The following C1GALT1 variants were observed in gnomAD, a reference collection of about 807,000 sequenced individuals.
The protein encoded by C1GALT1 is glycoprotein-N-acetylgalactosamine 3-beta-galactosyltransferase 1.
In C1GALT1, 11 loss-of-function variants were observed where a neutral mutation model predicts 31.0. The observed-to-expected ratio is 0.36, with a 90% CI of 0.22 to 0.59. The LOEUF (loss-of-function observed/expected upper bound fraction) is 0.59. C1GALT1 is among the 20% of genes least tolerant of loss of function. The probability of loss-of-function intolerance (pLI) is 0.79; values close to 1 mark genes in which losing one functional copy is unlikely to be tolerated. For missense variants in C1GALT1, 424 were observed against 425.2 expected (o/e 1.00, Z 0.03); for synonymous variants, 175 against 143.6 (o/e 1.22, Z -1.56).
intron 1 of C1GALT1, among the ~76,000 whole-genome samples, chr7:7,203,073 A>G (rs965724844): frequency 1.4e-5 from 2 of 144,500 alleles, no homozygotes; most frequent in East Asian, 4.2e-4. Context: ...TTGCTAAATT[A>G]ATTTATTAGT....
chr7:7,185,690 C>G (rs150392689), intron 1 of C1GALT1, among the ~76,000 whole-genome samples: 1 of 152,326 alleles, frequency 6.6e-6, no homozygotes, highest in Non-Finnish European at 1.5e-5. Context: ...TTAAGATCCA[C>G]CCTAATCACC....
chr7:7,192,638 A>T (rs1358148681), intron 1 of C1GALT1, among the ~76,000 whole-genome samples: 1 of 152,212 alleles, frequency 6.6e-6, no homozygotes, highest in South Asian at 2.1e-4. Flanking sequence ...TGTTTTTCGT[A>T]TAATGACTTC....
At chr7:7,219,846 G>A (rs6463662) in intron 1 of C1GALT1, among the ~76,000 whole-genome samples, 68,870 of 151,840 alleles carry the variant, frequency 0.45, 16,703 homozygotes, top group African/African-American at 0.63. Flanking sequence ...ATATGAAATT[G>A]TTGTATATAA....
In C1GALT1 at chr7:7,238,560, C is replaced by G. The variant is rs201415283; in HGVS notation, c.526C>G (p.Leu176Val). 1.4e-5 allele frequency: 23 copies of G among 1,613,940 alleles called. No homozygotes were observed. Among genetic ancestry groups the G allele is most frequent in the Middle Eastern group, 3.3e-4 (2 of 6,082 alleles). Residue 176 changes from leucine (L) to valine (V), a missense_variant, in exon 3 of 4, where the codon CTA becomes GTA. Physicochemically the swap from Leu to Val is conservative, Grantham distance 32. Coordinates refer to ENST00000436587, the MANE Select transcript of C1GALT1 (RefSeq NM_020156.5). This position sits in a 1 kb window ranked among gnomAD's most constrained non-coding sequence, Gnocchi z 5.2. ...AGCAGATGATGACACGTATGTCATACTAGACAATTTGAGGTGGCTTCTTTC... is the reference window on the plus strand; with the variant it reads ...AGCAGATGATGACACGTATGTCATAGTAGACAATTTGAGGTGGCTTCTTTC... ...LKADDDTYVILDNLRWLLSKY... is the reference protein window; with the variant it reads ...LKADDDTYVIVDNLRWLLSKY...
chr7:7,159,752 T>C (rs1780314114), intron 2 of C1GALT1, among the ~76,000 whole-genome samples: 1 of 152,164 alleles, frequency 6.6e-6, no homozygotes, highest in South Asian at 2.1e-4. Flanking sequence ...AAATTCTCTG[T>C]CTCCATGTAA....
In C1GALT1 at chr7:7,244,161, G is replaced by C. The variant is rs1050327543; in HGVS notation, c.*434G>C. 6.5e-6 allele frequency: 1 copy of C among 152,878 alleles called. No homozygotes were observed. Among genetic ancestry groups the C allele is most frequent in the African/African-American group, 2.4e-5 (1 of 41,418 alleles). The allele number at this position is 152,878 out of a possible 1,614,324, so 9.5% of individuals were successfully genotyped here. A position where few individuals can be genotyped will look rare whatever the true frequency, so the allele number is the denominator to read the frequency against. On this transcript the variant is annotated 3_prime_UTR_variant, in exon 4 of 4. Coordinates refer to ENST00000436587, the MANE Select transcript of C1GALT1 (RefSeq NM_020156.5). The stretch of plus-strand genomic sequence containing the variant: ...ATTGTTGCTCAGTGTTGTTAATATA[G>C]CTCAAGAATTGAGTTTATATTTGCA...
chr7:7,207,136 G>T (rs75518213), intron 1 of C1GALT1, among the ~76,000 whole-genome samples: 6,007 of 152,026 alleles, frequency 0.04, 263 homozygotes, highest in African/African-American at 0.11. Flanking sequence ...TTCTTCAGCC[G>T]TTTTTCTTTG....
intron 1 of C1GALT1, among the ~76,000 whole-genome samples, chr7:7,230,826 T>G (rs1318956189): frequency 6.6e-6 from 1 of 152,018 alleles, no homozygotes; most frequent in Admixed American, 6.6e-5. Context: ...GCTCTTAAAC[T>G]CTATGGATCC....
intron 1 of C1GALT1, among the ~76,000 whole-genome samples, chr7:7,225,389 A>T (rs956609197): frequency 6.6e-6 from 1 of 152,218 alleles, no homozygotes; most frequent in Admixed American, 6.5e-5. Context: ...AGTATATAGC[A>T]TAGTGCTGTG....
chr7:7,201,691 G>T (rs1781537338), intron 1 of C1GALT1, among the ~76,000 whole-genome samples: 1 of 152,220 alleles, frequency 6.6e-6, no homozygotes, highest in South Asian at 2.1e-4. Flanking sequence ...CAGCAGCACT[G>T]AGTTAATTTC....
chr7:7,241,579 T>C (rs528953964), intron 3 of C1GALT1, among the ~76,000 whole-genome samples: 7 of 152,048 alleles, frequency 4.6e-5, no homozygotes, highest in Non-Finnish European at 8.8e-5. Context: ...TTTAGGTCCT[T>C]TGGTCAAGTT....
At chr7:7,164,514 G>C (rs906693271) in intron 2 of C1GALT1, among the ~76,000 whole-genome samples, 10 of 152,124 alleles carry the variant, frequency 6.6e-5, no homozygotes, top group African/African-American at 2.4e-4. Context: ...CTGAAATGGA[G>C]ATCAGCATGT....
At chr7:7,187,027 G>A (rs1447799164) in intron 1 of C1GALT1, among the ~76,000 whole-genome samples, 4 of 152,168 alleles carry the variant, frequency 2.6e-5, no homozygotes, top group Non-Finnish European at 5.9e-5. Flanking sequence ...AAGAAGCAAA[G>A]GCTAAAGGAA....
In C1GALT1 at chr7:7,225,050, C is replaced by T. The variant is rs575881329; in HGVS notation, c.-17-9253C>T. Among the ~76,000 whole-genome samples the T allele has an allele frequency of 5.0e-5, 7 of 141,398 alleles. No individual in the cohort carries two copies. In the East Asian group the frequency reaches 1.5e-3, roughly 30 times the overall value. The allele number at this position is 141,398 out of a possible 152,430, so 92.8% of individuals were successfully genotyped here. Reference sequence around the variant, plus strand: ...CTCTGTGTTTAGTTACAAGTGAGAACTAATAAGGTTTTCTGTCCTGTGTTA... The same window carrying T: ...CTCTGTGTTTAGTTACAAGTGAGAATTAATAAGGTTTTCTGTCCTGTGTTA... On this transcript the variant is annotated intron_variant, in intron 1 of 3. Transcript: ENST00000436587.
chr7:7,227,066 T>G (rs1554295875), intron 1 of C1GALT1, among the ~76,000 whole-genome samples: 1 of 152,238 alleles, frequency 6.6e-6, no homozygotes, highest in African/African-American at 2.4e-5. Context: ...TTTGTAAACT[T>G]TTCTTAATTT....
At chr7:7,165,319 G>C (rs762692827) in intron 2 of C1GALT1, among the ~76,000 whole-genome samples, 2 of 152,154 alleles carry the variant, frequency 1.3e-5, no homozygotes, top group Non-Finnish European at 2.9e-5. Flanking sequence ...AATAAAGCAC[G>C]CATCTAGGAG....
In C1GALT1 at chr7:7,238,796, A is replaced by G. The variant is rs1451580711; in HGVS notation, c.762A>G (p.Ala254=). ...GCATGGAAATTATGAATGTAGAAGC[A>G]GGAGATTCCAGAGATACCATTGGAA... ...GRCMEIMNVE[A]GDSRDTIGKE... Residue 254 remains alanine (A), a synonymous_variant, in exon 3 of 4, where the codon GCA becomes GCG. Transcript: ENST00000436587. This position sits in a 1 kb window ranked among gnomAD's most constrained non-coding sequence, Gnocchi z 5.2. The G allele has an allele frequency of 1.9e-6, 3 of 1,613,724 alleles. No homozygotes were observed. The highest frequency in any genetic ancestry group is 2.2e-5 in the South Asian group (2 of 91,068).
intron 1 of C1GALT1, among the ~76,000 whole-genome samples, chr7:7,184,010 G>A (rs892447560): frequency 6.6e-6 from 1 of 152,176 alleles, no homozygotes; most frequent in Non-Finnish European, 1.5e-5. Context: ...TCATTCTGGT[G>A]TGAGTTTGGG....
chr7:7,182,675 G>A lies in C1GALT1; in HGVS notation c.-163G>A, dbSNP rs888630744. The A allele has an allele frequency of 6.9e-5, 31 of 446,060 alleles. No individual in the cohort carries two copies. Among genetic ancestry groups the A allele is most frequent in the Non-Finnish European group, 8.6e-5 (29 of 336,846 alleles). The allele number at this position is 446,060 out of a possible 1,614,324, so 27.6% of individuals were successfully genotyped here. On this transcript the variant is annotated 5_prime_UTR_variant, in exon 1 of 4. Coordinates refer to ENST00000436587, the MANE Select transcript of C1GALT1 (RefSeq NM_020156.5). The stretch of plus-strand genomic sequence containing the variant: ...GCCGCCGCTGTGCTGCCGCTGCCGG[G>A]GAATAATCTGGGCGGCAGCGGGCGG...
Sources: allele counts gnomAD v4.1 joint callset (sites outside exome capture counted in the v4.1 genomes callset), GRCh38; gene constraint gnomAD v4.1.1; non-coding constraint Gnocchi (gnomAD v3.1); transcripts MANE v1.5; gene names NCBI Gene and HGNC (gene_info 2026-07-23, HGNC 2026-07-21).